Variants in GAK observed in about 807,000 individuals in gnomAD.
GAK encodes cyclin G associated kinase.
A neutral mutation model predicts 143.9 loss-of-function variants in GAK; 79 were observed. The ratio of observed to expected loss-of-function variants is 0.55; its 90% CI spans 0.46 to 0.66. GAK has a LOEUF of 0.66. Ranked by LOEUF, GAK falls within the 30% of genes least tolerant of loss-of-function variation. The pLI, the probability that GAK is intolerant of heterozygous loss-of-function variation, is 0.00. For synonymous variants in GAK, 881 were observed against 765.5 expected, an observed-to-expected ratio of 1.15 and a Z score of -2.49; for missense variants, 1,693 against 1,779.7, an observed-to-expected ratio of 0.95 and a Z score of 0.88.
At chr4:916,628 G>A (rs982514339) in intron 1 of GAK, among the ~76,000 whole-genome samples, 1 of 152,166 alleles carries the variant, frequency 6.6e-6, no homozygotes, top group Non-Finnish European at 1.5e-5. Flanking sequence ...GAGAAATGCA[G>A]ACTTAAACCG....
chr4:924,769 G>A (rs1191025543), intron 1 of GAK, among the ~76,000 whole-genome samples: 1 of 152,188 alleles, frequency 6.6e-6, no homozygotes, highest in African/African-American at 2.4e-5. Flanking sequence ...TCCTCCCGGG[G>A]CTGCTCTCAG....
At chr4:886,156 G>A (rs998020035) in intron 11 of GAK, 6 of 152,278 alleles carry the variant, frequency 3.9e-5, no homozygotes, top group African/African-American at 7.2e-5. Flanking sequence ...CCTCAAGCAC[G>A]TGATGTGAAC....
At chr4:897,937 G>A in intron 6 of GAK, 96 bp downstream of exon 6, 1 of 1,384,576 alleles carries the variant, frequency 7.2e-7, no homozygotes, top group Non-Finnish European at 9.7e-7. Flanking sequence ...GACAGAGCGA[G>A]ACTCAAAGCA....
At chr4:924,219 G>C (rs1246709642) in intron 1 of GAK, among the ~76,000 whole-genome samples, 1 of 150,994 alleles carries the variant, frequency 6.6e-6, no homozygotes, top group Non-Finnish European at 1.5e-5. Flanking sequence ...CATCATCAGG[G>C]AAATTCCAAT....
At chr4:913,218 C>G (rs1277639373) in intron 2 of GAK, among the ~76,000 whole-genome samples, 1 of 152,242 alleles carries the variant, frequency 6.6e-6, no homozygotes, top group African/African-American at 2.4e-5. Context: ...CAAAACTGCA[C>G]AGTACAGACC....
intron 4 of GAK, among the ~76,000 whole-genome samples, chr4:908,616 T>C (rs1216823433): frequency 6.6e-6 from 1 of 151,818 alleles, no homozygotes; most frequent in Non-Finnish European, 1.5e-5. Flanking sequence ...ACTCTGTCTC[T>C]AAGAAAAGTT....
At chr4:864,747 G>A (rs1485084598) in intron 23 of GAK, among the ~76,000 whole-genome samples, 2 of 152,156 alleles carry the variant, frequency 1.3e-5, no homozygotes, top group Non-Finnish European at 2.9e-5. Context: ...AACCCCTTCA[G>A]GAGGGAAGAG....
chr4:852,156 G>A (rs905753829), intron 24 of GAK, 182 bp from the exon 25 acceptor site: 1 of 641,992 alleles, frequency 1.6e-6, no homozygotes, highest in Admixed American at 2.4e-5. Context: ...AGGGGCTGGA[G>A]CACAGGCCAG....
In GAK at chr4:893,501, G is replaced by A. The variant is rs1334284298; in HGVS notation, c.878-12C>T. The stretch of plus-strand genomic sequence containing the variant: ...CTGCAGCATGGCGCCTGCAGCAGAA[G>A]CACAGCGCGCTCGGCCCCACGGTTC... On this transcript the variant is annotated splice_polypyrimidine_tract_variant and intron_variant, in intron 8 of 27. Coordinates refer to ENST00000314167, the MANE Select transcript of GAK (RefSeq NM_005255.4). 1.3e-6 allele frequency: 2 copies of A among 1,544,966 alleles called. No homozygotes were observed. The highest frequency in any genetic ancestry group is 2.4e-5 in the South Asian group (2 of 83,068).
intron 10 of GAK, among the ~76,000 whole-genome samples, chr4:889,288 A>G (rs1432440372): frequency 6.6e-6 from 1 of 152,244 alleles, no homozygotes; most frequent in African/African-American, 2.4e-5. Flanking sequence ...GCCTCAGCAC[A>G]GCTGGGGCTG....
intron 19 of GAK, among the ~76,000 whole-genome samples, chr4:870,203 A>T (rs946000161): frequency 1.3e-5 from 2 of 152,094 alleles, no homozygotes; most frequent in Non-Finnish European, 2.9e-5. Context: ...AAAAGCAAAC[A>T]CTGCAAACCA....
chr4:911,856 G>T (rs1172842068), intron 3 of GAK, 69 bp from the exon 4 acceptor site: 2 of 1,185,414 alleles, frequency 1.7e-6, no homozygotes, highest in East Asian at 4.8e-5. Context: ...CAAAATAAAT[G>T]TAGACAATAT....
intron 1 of GAK, among the ~76,000 whole-genome samples, chr4:915,912 G>A (rs995568320): frequency 6.6e-6 from 1 of 152,190 alleles, no homozygotes; most frequent in Non-Finnish European, 1.5e-5. Context: ...GAAAAAAGGA[G>A]TAAAATTATT....
Position 893,431 on chromosome 4 carries a change from C to T in GAK, c.936G>A (p.Gln312=). The T allele has an allele frequency of 3.1e-6, 5 of 1,594,496 alleles. No homozygotes were observed. The highest frequency in any genetic ancestry group is 4.3e-6 in the Non-Finnish European group (5 of 1,171,038). The change falls in exon 9 of 28, where the codon CAG becomes CAA. Residue 312 remains glutamine, a synonymous_variant. Coordinates refer to ENST00000314167, the MANE Select transcript of GAK (RefSeq NM_005255.4). ...TGCGGGCGGCCGCGATCTCCTGCAG[C>T]TGGTGCACCACCTCGGCGATGGACA... The part of the protein sequence containing the change: ...ERLSIAEVVH[Q]LQEIAAARNV...
At chr4:915,928 C>G (rs1723036751) in intron 1 of GAK, among the ~76,000 whole-genome samples, 1 of 152,204 alleles carries the variant, frequency 6.6e-6, no homozygotes, top group South Asian at 2.1e-4. Flanking sequence ...TTATTTTTAT[C>G]TGCAGGTGAC....
intron 24 of GAK, 196 bp downstream of exon 24, chr4:859,410 G>C: frequency 6.5e-7 from 1 of 1,534,632 alleles, no homozygotes; most frequent in Non-Finnish European, 8.7e-7. Context: ...GCAACTCCCG[G>C]TTTTAGCTTG....
At chr4:878,988 TA>T (rs1446402647) in intron 15 of GAK, among the ~76,000 whole-genome samples, 10 of 152,166 alleles carry the variant, frequency 6.6e-5, no homozygotes, top group Non-Finnish European at 1.0e-4. Context: ...CCACAACAAA[TA>T]AATCCTGCCA....
At chr4:857,568 CG>C (rs1481300169) in intron 24 of GAK, among the ~76,000 whole-genome samples, 1 of 152,148 alleles carries the variant, frequency 6.6e-6, no homozygotes, top group Non-Finnish European at 1.5e-5. Context: ...ATCAATTTCA[CG>C]TAAGTCGTCA....
rs3755965 is a variant in GAK, at chr4:897,150, G to A, written c.652-601C>T. ...GGCTGGGGCCGCAGAGCTGTGAGGA[G>A]ACAGTGAATCTCCGTGCACGGCAGA... On this transcript the variant is annotated intron_variant, in intron 6 of 27. Transcript: ENST00000314167. Among the ~76,000 whole-genome samples the A allele has an allele frequency of 3.8e-4, 58 of 152,340 alleles. 1 individual carries two copies. The East Asian group carries it at 9.3e-3, about 24-fold the overall frequency.
Sources: allele counts gnomAD v4.1 joint callset (sites outside exome capture counted in the v4.1 genomes callset), GRCh38; gene constraint gnomAD v4.1.1; transcripts MANE v1.5; gene names NCBI Gene and HGNC (gene_info 2026-07-23, HGNC 2026-07-21).